AGAP5: variants seen among roughly 807,000 people sequenced by gnomAD.
AGAP5 encodes the protein arf-GAP with GTPase, ANK repeat and PH domain-containing protein 5.
Under a neutral mutation model 27.7 loss-of-function variants are expected in AGAP5, and 8 were observed. The observed-to-expected ratio is 0.29, with a 90% CI of 0.17 to 0.52. The LOEUF (loss-of-function observed/expected upper bound fraction) is 0.52, where lower values mean the gene tolerates loss of function less well. AGAP5 is among the 20% of genes least tolerant of loss of function. The probability of loss-of-function intolerance (pLI) is 0.97; values close to 1 mark genes in which losing one functional copy is unlikely to be tolerated. For synonymous variants in AGAP5, 111 were observed against 338.0 expected (o/e 0.33, Z 7.37); for missense variants, 285 against 880.8 (o/e 0.32, Z 8.56).
chr10:73,695,912 C>T (rs1259843159), intron 2 of AGAP5, among the ~76,000 whole-genome samples: 1 of 152,282 alleles, frequency 6.6e-6, no homozygotes, highest in African/African-American at 2.4e-5. Context: ...CATCTCTTTG[C>T]AAAATTTTAG....
chr10:73,689,256 C>T (rs945259529), intron 4 of AGAP5, among the ~76,000 whole-genome samples: 3 of 152,252 alleles, frequency 2.0e-5, no homozygotes, highest in East Asian at 3.8e-4. Context: ...CCCGAGGTGC[C>T]GGGATTGCAG....
intron 2 of AGAP5, among the ~76,000 whole-genome samples, chr10:73,696,120 C>T (rs1472488463): frequency 6.6e-6 from 1 of 152,138 alleles, no homozygotes; most frequent in Non-Finnish European, 1.5e-5. Flanking sequence ...CCAGGCAATT[C>T]TCCTGCCTCA....
chr10:73,681,455 G>C (rs1399011250), intron 5 of AGAP5: 1 of 985,168 alleles, frequency 1.0e-6, no homozygotes, highest in Non-Finnish European at 1.2e-6. Flanking sequence ...ACTGACAACA[G>C]TGCACTACTG....
intron 2 of AGAP5, 28 bp from the exon 3 acceptor site, chr10:73,694,832 A>G: frequency 6.3e-7 from 1 of 1,597,586 alleles, no homozygotes. Context: ...GAAAAGAAAA[A>G]AAGATGTAAT....
chr10:73,683,453 AATTTATTT>A (rs757360299), intron 4 of AGAP5, among the ~76,000 whole-genome samples: 37 of 121,140 alleles, frequency 3.1e-4, no homozygotes, highest in Non-Finnish European at 4.5e-4. Flanking sequence ...TTAATTAATT[AATTTATTT>A]ATTTATTTAT....
intron 6 of AGAP5, among the ~76,000 whole-genome samples, chr10:73,679,162 C>T (rs2082004644): frequency 6.9e-6 from 1 of 145,110 alleles, no homozygotes; most frequent in East Asian, 2.0e-4. Flanking sequence ...CAGCTTATTG[C>T]TTTTTTTGTT....
intron 4 of AGAP5, among the ~76,000 whole-genome samples, 153 bp downstream of exon 4, chr10:73,691,890 T>C (rs1225729998): frequency 2.0e-5 from 3 of 151,082 alleles, no homozygotes; most frequent in Non-Finnish European, 4.4e-5. Context: ...TCTGGATAAA[T>C]TTAATACTCA....
At chr10:73,678,972 G>A (rs2082002742) in intron 6 of AGAP5, among the ~76,000 whole-genome samples, 1 of 150,988 alleles carries the variant, frequency 6.6e-6, no homozygotes, top group South Asian at 2.1e-4. Context: ...TCCTGCCTCA[G>A]CCTCCCAAGT....
intron 4 of AGAP5, among the ~76,000 whole-genome samples, chr10:73,687,467 C>G (rs1192099105): frequency 6.6e-6 from 1 of 152,134 alleles, no homozygotes; most frequent in African/African-American, 2.4e-5. Context: ...CTATGTTGAC[C>G]AGGCTAAAAA....
At chr10:73,689,220 T>C (rs2082091442) in intron 4 of AGAP5, among the ~76,000 whole-genome samples, 1 of 152,260 alleles carries the variant, frequency 6.6e-6, no homozygotes, top group Non-Finnish European at 1.5e-5. Context: ...AGCTCCTAAC[T>C]GAGAGTGATC....
intron 3 of AGAP5, among the ~76,000 whole-genome samples, chr10:73,692,633 ATTTTTTTTTTTTTT>A: frequency 1.3e-5 from 1 of 77,018 alleles, no homozygotes; most frequent in Non-Finnish European, 2.6e-5. Context: ...CCTATCTTAA[ATTTTTTTTTTTTTT>A]TTTTTTTTTT....
chr10:73,686,152 A>G (rs2082062046), intron 4 of AGAP5, among the ~76,000 whole-genome samples: 1 of 152,220 alleles, frequency 6.6e-6, no homozygotes. Flanking sequence ...CTGATTTCAA[A>G]CTATACTATA....
At chr10:73,685,690 T>C (rs2082057489) in intron 4 of AGAP5, among the ~76,000 whole-genome samples, 1 of 151,886 alleles carries the variant, frequency 6.6e-6, no homozygotes, top group South Asian at 2.1e-4. Flanking sequence ...GTAGATGGGA[T>C]TACAGGTGAG....
At chr10:73,689,738 G>T (rs1378689052) in intron 4 of AGAP5, among the ~76,000 whole-genome samples, 18 of 151,216 alleles carry the variant, frequency 1.2e-4, no homozygotes, top group Admixed American at 1.2e-3. Context: ...GAAGTGAGGA[G>T]CCCCTCCGCC....
intron 4 of AGAP5, among the ~76,000 whole-genome samples, chr10:73,687,804 C>G (rs956292816): frequency 1.3e-5 from 2 of 152,076 alleles, no homozygotes; most frequent in Non-Finnish European, 2.9e-5. Context: ...AAGGTTACAC[C>G]CATGACCAGC....
chr10:73,694,919 T>C, intron 2 of AGAP5, 115 bp from the exon 3 acceptor site: 1 of 1,572,894 alleles, frequency 6.4e-7, no homozygotes, highest in South Asian at 1.1e-5. Context: ...TTGATTCTTA[T>C]ACATTGAAAT....
intron 4 of AGAP5, among the ~76,000 whole-genome samples, chr10:73,690,371 G>A (rs1345459602): frequency 6.6e-6 from 1 of 152,154 alleles, no homozygotes; most frequent in African/African-American, 2.4e-5. Flanking sequence ...ATTAAGGGCG[G>A]TGCCAAGATG....
Position 73,674,593 on chromosome 10 carries a change from C to T in AGAP5, c.*6G>A, listed in dbSNP as rs2081959531. The T allele has an allele frequency of 6.2e-7, 1 of 1,608,634 alleles. No homozygotes were observed. Among genetic ancestry groups the T allele is most frequent in the East Asian group, 2.2e-5 (1 of 44,782 alleles). On this transcript the variant is annotated 3_prime_UTR_variant, in exon 8 of 8. Transcript: ENST00000374094. ...CCAAGGAGACTGCAGTCAAATAAAACAGATACTACACGCACTCGTCGGGGC... is the reference window on the plus strand; with the variant it reads ...CCAAGGAGACTGCAGTCAAATAAAATAGATACTACACGCACTCGTCGGGGC...
chr10:73,696,603 A>G (rs1299752558), intron 2 of AGAP5, among the ~76,000 whole-genome samples: 4 of 152,206 alleles, frequency 2.6e-5, no homozygotes, highest in Non-Finnish European at 1.5e-5. Context: ...TTTTAAAGTA[A>G]TCAGAGCCTC....
Sources: allele counts gnomAD v4.1 joint callset (sites outside exome capture counted in the v4.1 genomes callset), GRCh38; gene constraint gnomAD v4.1.1; transcripts MANE v1.5; gene names NCBI Gene and HGNC (gene_info 2026-07-23, HGNC 2026-07-21).